Variants in CLYBL observed in about 807,000 individuals in gnomAD.
CLYBL encodes the protein citramalyl-CoA lyase, mitochondrial.
In CLYBL, 31 loss-of-function variants were observed where a neutral mutation model predicts 38.9. The ratio of observed to expected loss-of-function variants is 0.80; its 90% confidence interval spans 0.60 to 1.08. The LOEUF (loss-of-function observed/expected upper bound fraction) is 1.08, where lower values mean the gene tolerates loss of function less well. Among genes scored for constraint, CLYBL ranks in the 50% least tolerant of loss-of-function variants. CLYBL has a pLI of 0.00. For synonymous variants in CLYBL, 171 were observed against 158.6 expected (o/e 1.08, Z -0.59); for missense variants, 434 against 411.6 (o/e 1.05, Z -0.47).
At chr13:99,694,394 T>G (rs2047949332) in intron 1 of CLYBL, among the ~76,000 whole-genome samples, 1 of 152,182 alleles carries the variant, frequency 6.6e-6, no homozygotes, top group African/African-American at 2.4e-5. Flanking sequence ...CCCAAGTCTG[T>G]GTTGGGGACT....
intron 7 of CLYBL, among the ~76,000 whole-genome samples, chr13:99,874,626 A>G (rs1448965483): frequency 6.6e-6 from 1 of 152,194 alleles, no homozygotes; most frequent in African/African-American, 2.4e-5. Context: ...TATTGATATC[A>G]ATAGAAATAA....
chr13:99,697,597 G>A (rs997285766), intron 1 of CLYBL, among the ~76,000 whole-genome samples: 6 of 145,934 alleles, frequency 4.1e-5, no homozygotes, highest in East Asian at 2.1e-4. Flanking sequence ...TGATCCTCCC[G>A]CCTTGGCTTC....
intron 6 of CLYBL, among the ~76,000 whole-genome samples, chr13:99,868,982 A>G (rs972949426): frequency 6.6e-6 from 1 of 152,206 alleles, no homozygotes; most frequent in African/African-American, 2.4e-5. Context: ...TCATGGTCAT[A>G]AATTTTAATG....
At chr13:99,897,664 G>A (rs548449565), downstream of CLYBL, among the ~76,000 whole-genome samples, 20 of 152,284 alleles carry the variant, frequency 1.3e-4, no homozygotes, top group African/African-American at 4.6e-4. Flanking sequence ...TAGAAAACTG[G>A]GTCGGGTGCA....
chr13:99,651,433 A>G (rs1328412100), intron 1 of CLYBL, among the ~76,000 whole-genome samples: 3 of 152,140 alleles, frequency 2.0e-5, no homozygotes, highest in Admixed American at 6.5e-5. Flanking sequence ...AGCTGGGCGT[A>G]GTGGCGCATG....
chr13:99,901,766 T>TCTCCTGC (rs1275826064), downstream of CLYBL, among the ~76,000 whole-genome samples: 25 of 152,010 alleles, frequency 1.6e-4, no homozygotes, highest in South Asian at 5.2e-3. Flanking sequence ...TTTAAGTGAT[T>TCTCCTGC]CTCCTGCCTC....
chr13:99,633,835 T>G (rs1879751756), intron 1 of CLYBL, among the ~76,000 whole-genome samples: 1 of 152,130 alleles, frequency 6.6e-6, no homozygotes, highest in Non-Finnish European at 1.5e-5. Context: ...TCGTATGTAC[T>G]CAGTTTGAGG....
chr13:99,883,018 C>T (rs2052254107), intron 7 of CLYBL, among the ~76,000 whole-genome samples: 2 of 151,992 alleles, frequency 1.3e-5, no homozygotes, highest in Admixed American at 6.5e-5. Context: ...GTTGGATCCT[C>T]GGACCACCTC....
At chr13:99,892,648 A>G (rs528443342), downstream of CLYBL, 3 of 152,796 alleles carry the variant, frequency 2.0e-5, no homozygotes, top group South Asian at 2.1e-4. Context: ...TGACCTACAC[A>G]GCAGCAACGC....
chr13:99,900,460 T>C (rs2052629328), downstream of CLYBL, among the ~76,000 whole-genome samples: 2 of 152,004 alleles, frequency 1.3e-5, no homozygotes, highest in South Asian at 4.2e-4. Context: ...ATCTGATCAT[T>C]TTGTCCCGTC....
chr13:99,777,715 A>G (rs1447625160), intron 2 of CLYBL, among the ~76,000 whole-genome samples: 2 of 151,208 alleles, frequency 1.3e-5, no homozygotes, highest in Non-Finnish European at 3.0e-5. Context: ...CTGGTCTCGA[A>G]CTCCTGACCT....
At chr13:99,640,146 A>G (rs1358533908) in intron 1 of CLYBL, among the ~76,000 whole-genome samples, 1 of 152,184 alleles carries the variant, frequency 6.6e-6, no homozygotes, top group African/African-American at 2.4e-5. Flanking sequence ...AATCATGAAA[A>G]CTAATGCCCA....
chr13:99,613,022 GATGATAATAATAATA>G (rs1172054310), intron 1 of CLYBL, among the ~76,000 whole-genome samples: 73 of 136,880 alleles, frequency 5.3e-4, no homozygotes, highest in East Asian at 8.9e-4. Flanking sequence ...TAAAAATAGT[GATGATAATAATAATA>G]ATAATAATAA....
At chr13:99,867,547 C>A (rs1229905700) in intron 6 of CLYBL, among the ~76,000 whole-genome samples, 2 of 152,206 alleles carry the variant, frequency 1.3e-5, no homozygotes, top group East Asian at 3.9e-4. Context: ...GGGAAATACT[C>A]TTCAATTATC....
At chr13:99,773,500 C>A (rs756506528) in intron 2 of CLYBL, among the ~76,000 whole-genome samples, 1 of 152,124 alleles carries the variant, frequency 6.6e-6, no homozygotes, top group African/African-American at 2.4e-5. Flanking sequence ...TTGTGAACTG[C>A]GCACGTGAAG....
intron 1 of CLYBL, among the ~76,000 whole-genome samples, chr13:99,689,825 T>G (rs1388669797): frequency 6.6e-6 from 1 of 152,162 alleles, no homozygotes; most frequent in Admixed American, 6.5e-5. Flanking sequence ...TTGCATCTTG[T>G]TAAGGTAACT....
At chr13:99,620,470 T>C (rs2046775793) in intron 1 of CLYBL, among the ~76,000 whole-genome samples, 2 of 152,166 alleles carry the variant, frequency 1.3e-5, no homozygotes, top group African/African-American at 4.8e-5. Flanking sequence ...CCTTCTCAAG[T>C]GCTATACATT....
At chr13:99,722,557 G>A (rs912206610) in intron 1 of CLYBL, among the ~76,000 whole-genome samples, 1 of 143,192 alleles carries the variant, frequency 7.0e-6, no homozygotes, top group East Asian at 2.2e-4. Context: ...GTTCATACCA[G>A]ATGCTGGATG....
rs190498326 is a variant in CLYBL at position 99,797,869 on chromosome 13, T to C, written c.249+24859T>C. Among the ~76,000 whole-genome samples the C allele has an allele frequency of 3.5e-3, 531 of 152,284 alleles. 6 individuals are homozygous for C. Among genetic ancestry groups the C allele is most frequent in the African/African-American group, 0.012 (484 of 41,544 alleles). On this transcript the variant is annotated intron_variant, in intron 2 of 8. Transcript: ENST00000339105. ...ATAGCCTAACTGTCTTCCTGTTTAT[T>C]GATAAACAAAGTGGCCAGCCCAGCA...
Sources: gnomAD v4.1 joint callset for allele counts (sites outside exome capture counted in the v4.1 genomes callset) on GRCh38, gnomAD v4.1.1 for gene constraint, MANE v1.5 for transcripts, NCBI Gene and HGNC (gene_info 2026-07-23, HGNC 2026-07-21) for gene names.